Variants in BMP2K observed in about 807,000 individuals in gnomAD.
BMP2K encodes the protein BMP2 inducible kinase.
A neutral mutation model predicts 116.0 loss-of-function variants in BMP2K; 74 were observed. The ratio of observed to expected loss-of-function variants is 0.64; its 90% CI spans 0.53 to 0.77. BMP2K has a LOEUF of 0.77. Ranked by LOEUF, BMP2K falls within the 30% of genes least tolerant of loss-of-function variation. The pLI is 0.00. For missense variants in BMP2K, 1,365 were observed against 1,403.6 expected (o/e 0.97, Z 0.44); for synonymous variants, 486 against 502.5 (o/e 0.97, Z 0.44).
intron 15 of BMP2K, among the ~76,000 whole-genome samples, chr4:78,895,082 C>T (rs992876555): frequency 1.3e-5 from 2 of 151,958 alleles, no homozygotes; most frequent in African/African-American, 4.8e-5. Context: ...ACAGGGTCAC[C>T]GTAACAGATA....
chr4:78,836,090 T>C (rs1334015566), intron 3 of BMP2K, among the ~76,000 whole-genome samples: 1 of 152,128 alleles, frequency 6.6e-6, no homozygotes, highest in Non-Finnish European at 1.5e-5. Context: ...TCTTCATGTA[T>C]ATTAATATTT....
At chr4:78,800,005 G>A (rs534910933) in intron 1 of BMP2K, among the ~76,000 whole-genome samples, 1 of 152,286 alleles carries the variant, frequency 6.6e-6, no homozygotes, top group Admixed American at 6.5e-5. Flanking sequence ...ACTCTGACAA[G>A]GTTGAGCTGT....
In BMP2K at chr4:78,779,639, G is replaced by A. The variant is rs945597089; in HGVS notation, c.178+2918G>A. On this transcript the variant is annotated intron_variant, in intron 1 of 15. Coordinates refer to ENST00000502613, the MANE Select transcript of BMP2K (RefSeq NM_198892.2). Reference sequence around the variant, plus strand: ...TACAAATAAATGTTAGTGAGTAGATGAATTTGTAAATATAGTATCCTCAAC... The same window carrying A: ...TACAAATAAATGTTAGTGAGTAGATAAATTTGTAAATATAGTATCCTCAAC... 5.9e-5 allele frequency among the ~76,000 whole-genome samples: 9 copies of A among 152,322 alleles called. No individual in the cohort carries two copies. The East Asian group carries it at 1.7e-3, about 29-fold the overall frequency.
chr4:78,820,918 T>A (rs1448946316), intron 1 of BMP2K: 9 of 152,822 alleles, frequency 5.9e-5, no homozygotes, highest in Admixed American at 5.9e-4. Context: ...TGAAAAAAAT[T>A]GTGGAATATT....
chr4:78,875,142 A>G (rs1191013036), intron 13 of BMP2K, among the ~76,000 whole-genome samples: 1 of 152,218 alleles, frequency 6.6e-6, no homozygotes, highest in East Asian at 1.9e-4. Context: ...CTTCATTAAT[A>G]TTATACCTAT....
chr4:78,861,573 G>T, intron 9 of BMP2K, 105 bp downstream of exon 9: 2 of 947,530 alleles, frequency 2.1e-6, no homozygotes, highest in East Asian at 2.6e-5. Flanking sequence ...CATCCACAAA[G>T]AATGTTGTGT....
chr4:78,874,555 G>A (rs1044828344), intron 13 of BMP2K, among the ~76,000 whole-genome samples: 9 of 152,106 alleles, frequency 5.9e-5, no homozygotes, highest in Non-Finnish European at 1.2e-4. Flanking sequence ...CATAAAAAAT[G>A]TCAAATCTAG....
chr4:78,864,563 T>C (rs533705487), intron 9 of BMP2K, among the ~76,000 whole-genome samples: 1 of 152,016 alleles, frequency 6.6e-6, no homozygotes, highest in East Asian at 1.9e-4. Context: ...GTCACGTTTT[T>C]TTTTTTGGTA....
At chr4:78,799,908 G>T (rs1056503742) in intron 1 of BMP2K, among the ~76,000 whole-genome samples, 2 of 152,128 alleles carry the variant, frequency 1.3e-5, no homozygotes, top group African/African-American at 4.8e-5. Flanking sequence ...TAACTAGGTG[G>T]TTTTTCATTA....
chr4:78,850,781 T>C, intron 6 of BMP2K, 143 bp from the exon 7 acceptor site: 2 of 692,818 alleles, frequency 2.9e-6, no homozygotes, highest in South Asian at 6.3e-5. Context: ...AAATTAAATA[T>C]ATTAATTTTT....
At chr4:78,796,576 G>C (rs970677053) in intron 1 of BMP2K, among the ~76,000 whole-genome samples, 2 of 152,098 alleles carry the variant, frequency 1.3e-5, no homozygotes, top group African/African-American at 4.8e-5. Flanking sequence ...GAAATCTGGT[G>C]GAAGAGGTGA....
intron 1 of BMP2K, among the ~76,000 whole-genome samples, chr4:78,789,529 G>A (rs1374165944): frequency 1.3e-5 from 2 of 152,158 alleles, no homozygotes; most frequent in African/African-American, 4.8e-5. Flanking sequence ...GGCAGCTGGA[G>A]TATTACTGGG....
At chr4:78,822,368 A>G (rs991139100) in intron 1 of BMP2K, among the ~76,000 whole-genome samples, 9 of 152,152 alleles carry the variant, frequency 5.9e-5, no homozygotes, top group Non-Finnish European at 5.9e-5. Context: ...AGGAGGCTGA[A>G]AATTACTGCT....
chr4:78,808,229 A>G lies in BMP2K; in HGVS notation c.179-17808A>G, dbSNP rs538280284. 2.8e-4 allele frequency among the ~76,000 whole-genome samples: 41 copies of G among 144,458 alleles called. 1 individual carries two copies. The South Asian group carries it at 4.8e-3, about 17-fold the overall frequency. The allele number at this position is 144,458 out of a possible 152,430, so 94.8% of individuals were successfully genotyped here. ...GCCACCACTTTTTCTAGTTTTTAAC[A>G]TCAGAAGTTACATTATTGATTTGAG... is the stretch of plus-strand genomic sequence containing the variant. On this transcript the variant is annotated intron_variant, in intron 1 of 15. Transcript: ENST00000502613.
At chr4:78,886,885 G>A (rs564823072) in intron 14 of BMP2K, among the ~76,000 whole-genome samples, 122 of 152,292 alleles carry the variant, frequency 8.0e-4, no homozygotes, top group African/African-American at 2.8e-3. Context: ...AGGCCCAAAA[G>A]TTGAGGACAA....
At chr4:78,834,508 G>A (rs927927085) in intron 3 of BMP2K, among the ~76,000 whole-genome samples, 3 of 152,058 alleles carry the variant, frequency 2.0e-5, no homozygotes, top group Non-Finnish European at 2.9e-5. Context: ...TGATCCGCCC[G>A]CCTCAGCCTC....
At chr4:78,874,700 A>T (rs1268291640) in intron 13 of BMP2K, among the ~76,000 whole-genome samples, 1 of 152,204 alleles carries the variant, frequency 6.6e-6, no homozygotes, top group Non-Finnish European at 1.5e-5. Flanking sequence ...TGGGATGATG[A>T]ATTGGAAATC....
Position 78,804,552 on chromosome 4 carries a change from C to T in BMP2K, c.179-21485C>T, listed in dbSNP as rs114890011. On this transcript the variant is annotated intron_variant, in intron 1 of 15. Coordinates refer to ENST00000502613, the MANE Select transcript of BMP2K (RefSeq NM_198892.2). ...TTGCACAATTTTAATTTCCCACCAG[C>T]AATTTATGAGGTTTTCCAATTTCTT... 1.2e-3 allele frequency among the ~76,000 whole-genome samples: 188 copies of T among 152,206 alleles called. 1 individual carries two copies. The highest frequency in any genetic ancestry group is 4.2e-3 in the African/African-American group (175 of 41,528).
At chr4:78,832,045 A>T (rs1730233787) in intron 2 of BMP2K, among the ~76,000 whole-genome samples, 1 of 152,180 alleles carries the variant, frequency 6.6e-6, no homozygotes, top group Admixed American at 6.6e-5. Flanking sequence ...ATCCCATTAT[A>T]TGTCTGTAAC....
Sources: allele counts gnomAD v4.1 joint callset (sites outside exome capture counted in the v4.1 genomes callset), GRCh38; gene constraint gnomAD v4.1.1; transcripts MANE v1.5; gene names NCBI Gene and HGNC (gene_info 2026-07-23, HGNC 2026-07-21).